The following LYRM4 variants were observed in gnomAD, a reference collection of about 807,000 sequenced individuals.
LYRM4 encodes LYR motif-containing protein 4.
In LYRM4, 9 loss-of-function variants were observed where a neutral mutation model predicts 11.7. The ratio of observed to expected loss-of-function variants is 0.77; its 90% CI spans 0.46 to 1.34. The LOEUF (loss-of-function observed/expected upper bound fraction) is 1.34. Among genes scored for constraint, LYRM4 ranks in the 40% most tolerant of loss-of-function variants. The probability of loss-of-function intolerance (pLI) is 0.00; values close to 1 mark genes in which losing one functional copy is unlikely to be tolerated. For synonymous variants in LYRM4, 42 were observed against 40.4 expected (o/e 1.04, Z -0.15); for missense variants, 133 against 112.5 (o/e 1.18, Z -0.82).
intron 2 of LYRM4, among the ~76,000 whole-genome samples, chr6:5,144,723 G>A (rs1045144804): frequency 5.3e-5 from 8 of 151,584 alleles, no homozygotes; most frequent in African/African-American, 1.9e-4. Context: ...CCCAGGAGCT[G>A]GGAAATCACT....
the LYRM4 span, chr6:5,054,436 C>G: frequency 6.5e-6 from 1 of 153,742 alleles, no homozygotes; most frequent in African/African-American, 2.4e-5. Context: ...GAGGTTTGTG[C>G]AAACAACACC....
chr6:5,108,653 T>A lies in LYRM4; in HGVS notation c.*770A>T. The A allele has an allele frequency of 1.9e-6, 1 of 525,930 alleles. No individual in the cohort carries two copies. Among genetic ancestry groups the A allele is most frequent in the Non-Finnish European group, 2.4e-6 (1 of 409,504 alleles). 32.6% of individuals were successfully genotyped at this position (525,930 alleles called of 1,614,324 possible). A position where few individuals can be genotyped will look rare whatever the true frequency, so the allele number is the denominator to read the frequency against. On this transcript the variant is annotated 3_prime_UTR_variant, in exon 3 of 3. Coordinates refer to ENST00000330636, the MANE Select transcript of LYRM4 (RefSeq NM_020408.6). ...TCCACCAGCCAGATTTGGGCACCGG[T>A]GCTGCCCAGCATGCCCCAGGCTTCA...
chr6:5,218,088 T>G (rs954376552), intron 1 of LYRM4, among the ~76,000 whole-genome samples: 20 of 152,230 alleles, frequency 1.3e-4, no homozygotes, highest in Middle Eastern at 6.8e-3. Flanking sequence ...AAAAAAATTT[T>G]GGGGGATGGG....
chr6:5,135,985 G>C (rs434350), intron 2 of LYRM4, among the ~76,000 whole-genome samples: 1 of 151,960 alleles, frequency 6.6e-6, no homozygotes, highest in Non-Finnish European at 1.5e-5. Flanking sequence ...AGGGACCGCC[G>C]TAAGTGGAAT....
At chr6:5,097,806 G>A in the LYRM4 span, among the ~76,000 whole-genome samples, 2 of 152,218 alleles carry the variant, frequency 1.3e-5, no homozygotes, top group Admixed American at 1.3e-4. Context: ...CACCGCAGAT[G>A]TGTATTAAGC....
chr6:5,249,419 T>C (rs541450145), intron 1 of LYRM4, among the ~76,000 whole-genome samples: 1 of 152,274 alleles, frequency 6.6e-6, no homozygotes, highest in African/African-American at 2.4e-5. Flanking sequence ...AAAGATAGGG[T>C]GAAAAGAAAA....
At chr6:5,041,409 T>G in the LYRM4 span, among the ~76,000 whole-genome samples, 1 of 152,202 alleles carries the variant, frequency 6.6e-6, no homozygotes, top group Non-Finnish European at 1.5e-5. Flanking sequence ...ACTGTGAAAA[T>G]AAGATGTTCT....
chr6:5,084,492 C>G, the LYRM4 span: 1 of 152,012 alleles, frequency 6.6e-6, no homozygotes, highest in Non-Finnish European at 1.5e-5. Flanking sequence ...CCTCTCCGCC[C>G]TCCCTGCGGG....
the LYRM4 span, among the ~76,000 whole-genome samples, chr6:5,075,276 G>C: frequency 7.9e-5 from 12 of 152,262 alleles, no homozygotes; most frequent in African/African-American, 2.9e-4. Flanking sequence ...CAAAATCCTA[G>C]GGAATCTCAA....
At chr6:5,234,090 A>G (rs763086532) in intron 1 of LYRM4, among the ~76,000 whole-genome samples, 1 of 152,264 alleles carries the variant, frequency 6.6e-6, no homozygotes, top group Non-Finnish European at 1.5e-5. Context: ...TTCTGAAAAC[A>G]GTCTATACAA....
At position 5,209,402 on chromosome 6, in the gene LYRM4, A is replaced by G. The variant is rs1761873638; in HGVS notation, c.207+7216T>C. Among the ~76,000 whole-genome samples, 3 of 152,160 alleles carry G rather than the reference A, an allele frequency of 2.0e-5. No individual in the cohort carries two copies. In the South Asian group the frequency reaches 6.2e-4, roughly 32 times the overall value. On this transcript the variant is annotated intron_variant, in intron 2 of 2. Coordinates refer to ENST00000330636, the MANE Select transcript of LYRM4 (RefSeq NM_020408.6). ...GTGAATCTATTATTACTTTTTTATT[A>G]CAATAGCCTATTATTACATTTTTAT... is the stretch of plus-strand genomic sequence containing the variant.
chr6:5,182,904 A>G (rs1054442357), intron 2 of LYRM4, among the ~76,000 whole-genome samples: 2 of 152,214 alleles, frequency 1.3e-5, no homozygotes, highest in African/African-American at 4.8e-5. Context: ...GTTATAGAGA[A>G]TTTTTTATTG....
rs555004720 is a variant in LYRM4 at position 5,154,797 on chromosome 6, C to T, written c.208-45306G>A. ...TCGCGCCACTGCACTCCAGCCTGGG[C>T]GACAGAGCGAGACTCCGTCTCAAAA... is the stretch of plus-strand genomic sequence containing the variant. On this transcript the variant is annotated intron_variant, in intron 2 of 2. Transcript: ENST00000330636. Among the ~76,000 whole-genome samples, 6 of 151,550 alleles carry T rather than the reference C, an allele frequency of 4.0e-5. No homozygotes were observed. The East Asian group carries it at 9.8e-4, about 25-fold the overall frequency.
chr6:5,259,747 T>C (rs965714028), intron 1 of LYRM4, among the ~76,000 whole-genome samples: 5 of 152,130 alleles, frequency 3.3e-5, no homozygotes, highest in African/African-American at 1.2e-4. Context: ...TCCAACCAGA[T>C]TCTTTCTCAT....
the LYRM4 span, chr6:5,085,180 G>A: frequency 2.4e-6 from 1 of 411,970 alleles, no homozygotes; most frequent in Non-Finnish European, 4.3e-6. Flanking sequence ...CGGCTTCCAG[G>A]TGTCCCAGCG....
At chr6:5,114,999 C>G (rs1401771881) in intron 2 of LYRM4, among the ~76,000 whole-genome samples, 1 of 152,126 alleles carries the variant, frequency 6.6e-6, no homozygotes, top group Non-Finnish European at 1.5e-5. Context: ...CATAGCATAA[C>G]TTGCTTTTTA....
intron 2 of LYRM4, among the ~76,000 whole-genome samples, chr6:5,150,494 C>A (rs539758570): frequency 6.6e-6 from 1 of 152,274 alleles, no homozygotes; most frequent in Admixed American, 6.5e-5. Context: ...AATGACACCT[C>A]ATAGGGAGGT....
the LYRM4 span, among the ~76,000 whole-genome samples, chr6:5,096,579 G>A: frequency 4.6e-5 from 7 of 152,180 alleles, no homozygotes; most frequent in South Asian, 8.3e-4. Flanking sequence ...GGTGGCCTGT[G>A]TGGGGATGAG....
At chr6:5,132,336 T>C (rs1056164992) in intron 2 of LYRM4, among the ~76,000 whole-genome samples, 1 of 152,198 alleles carries the variant, frequency 6.6e-6, no homozygotes, top group Admixed American at 6.5e-5. Flanking sequence ...CCTGTGTACA[T>C]CTGCACAATT....
Sources: allele counts gnomAD v4.1 joint callset (sites outside exome capture counted in the v4.1 genomes callset), GRCh38; gene constraint gnomAD v4.1.1; transcripts MANE v1.5; gene names NCBI Gene and HGNC (gene_info 2026-07-23, HGNC 2026-07-21).